Variants in VTA1 observed in about 807,000 individuals in gnomAD.
VTA1 encodes the protein vesicle trafficking 1.
In VTA1, 24 loss-of-function variants were observed where a neutral mutation model predicts 36.9. That is an observed-to-expected ratio of 0.65 (90% CI 0.47 to 0.91). VTA1 has a LOEUF of 0.91. Ranked by LOEUF, VTA1 falls within the 40% of genes least tolerant of loss-of-function variation. The pLI is 0.00. For missense variants in VTA1, 393 were observed against 377.2 expected, an observed-to-expected ratio of 1.04 and a Z score of -0.35; for synonymous variants, 142 against 130.2, an observed-to-expected ratio of 1.09 and a Z score of -0.62.
chr6:142,163,666 C>T (rs552139233), intron 1 of VTA1, among the ~76,000 whole-genome samples: 14 of 151,848 alleles, frequency 9.2e-5, no homozygotes, highest in Non-Finnish European at 1.8e-4. Context: ...GCAGTGGTTC[C>T]ACGAGATTTT....
chr6:142,154,027 G>A (rs1261806027), intron 1 of VTA1, among the ~76,000 whole-genome samples: 1 of 152,064 alleles, frequency 6.6e-6, no homozygotes, highest in African/African-American at 2.4e-5. Context: ...GTATTTGTGT[G>A]TGTGTGTGTA....
intron 1 of VTA1, among the ~76,000 whole-genome samples, chr6:142,149,695 A>C (rs1202136907): frequency 6.6e-6 from 1 of 152,186 alleles, no homozygotes; most frequent in Non-Finnish European, 1.5e-5. Flanking sequence ...AGAAGTTCTT[A>C]ATTTAAAAAT....
intron 7 of VTA1, among the ~76,000 whole-genome samples, chr6:142,216,973 T>C (rs970685420): frequency 1.3e-5 from 2 of 152,174 alleles, no homozygotes; most frequent in African/African-American, 2.4e-5. Context: ...GCGTATGTAG[T>C]GTAAATATAT....
intron 4 of VTA1, among the ~76,000 whole-genome samples, chr6:142,183,604 TG>T (rs887534708): frequency 3.3e-5 from 5 of 152,332 alleles, no homozygotes; most frequent in African/African-American, 1.2e-4. Context: ...AAGTTCTTTT[TG>T]CAGTTCCTGT....
chr6:142,184,146 A>G (rs1392867579), intron 4 of VTA1, among the ~76,000 whole-genome samples: 1 of 152,216 alleles, frequency 6.6e-6, no homozygotes, highest in Non-Finnish European at 1.5e-5. Flanking sequence ...CGTAACTACC[A>G]AAAGGTACAT....
At chr6:142,208,085 C>CAA (rs567010868) in intron 7 of VTA1, among the ~76,000 whole-genome samples, 235 of 99,440 alleles carry the variant, frequency 2.4e-3, no homozygotes, top group African/African-American at 6.8e-3. Context: ...AGACTTCCAT[C>CAA]AAAAAAAAAA....
chr6:142,198,141 G>A (rs1469572370), intron 5 of VTA1, among the ~76,000 whole-genome samples: 1 of 149,130 alleles, frequency 6.7e-6, no homozygotes, highest in Non-Finnish European at 1.5e-5. Flanking sequence ...GTGTGTGTGT[G>A]TGTGTGTGTG....
At chr6:142,171,159 G>A (rs1049092468) in intron 4 of VTA1, among the ~76,000 whole-genome samples, 5 of 151,928 alleles carry the variant, frequency 3.3e-5, no homozygotes, top group African/African-American at 1.2e-4. Flanking sequence ...CAATGGCACA[G>A]TCTTGGTTCA....
chr6:142,152,836 T>A lies in VTA1; in HGVS notation c.112+5437T>A, dbSNP rs189331476. Among the ~76,000 whole-genome samples, 180 of 152,230 alleles carry A rather than the reference T, an allele frequency of 1.2e-3. 1 individual carries two copies. The highest frequency in any genetic ancestry group is 0.01 in the Middle Eastern group (3 of 294). ...AATTCCTAGAGCAGGGAAACTTTTTTTTGTGAGAAAAAAATTCAAGAGTAT... is the reference window on the plus strand; with the variant it reads ...AATTCCTAGAGCAGGGAAACTTTTTATTGTGAGAAAAAAATTCAAGAGTAT... On this transcript the variant is annotated intron_variant, in intron 1 of 7. Transcript: ENST00000367630.
intron 4 of VTA1, among the ~76,000 whole-genome samples, chr6:142,172,924 T>A (rs1469107351): frequency 1.3e-5 from 2 of 150,698 alleles, no homozygotes; most frequent in African/African-American, 4.9e-5. Flanking sequence ...AATAGGAGCC[T>A]GTACAATGAA....
intron 4 of VTA1, among the ~76,000 whole-genome samples, chr6:142,181,465 A>ATG (rs1002840013): frequency 1.3e-4 from 19 of 147,904 alleles, no homozygotes; most frequent in African/African-American, 4.4e-4. Context: ...TTATATATAT[A>ATG]TATATATATG....
Position 142,167,392 on chromosome 6 carries a change from C to T in VTA1, c.207+1070C>T, listed in dbSNP as rs556922014. The stretch of plus-strand genomic sequence containing the variant: ...CCTCCAAGACTGTTACATTAATAGT[C>T]GTGACTTACTTTTTATTTGCTTATT... On this transcript the variant is annotated intron_variant, in intron 2 of 7. Transcript: ENST00000367630. 1.2e-4 allele frequency among the ~76,000 whole-genome samples: 19 copies of T among 152,274 alleles called. No individual in the cohort carries two copies. In the East Asian group the frequency reaches 2.3e-3, roughly 19 times the overall value.
chr6:142,220,709 G>A lies in VTA1; in HGVS notation c.*2066G>A, dbSNP rs1231272387. The A allele has an allele frequency of 1.3e-5, 2 of 151,986 alleles. No individual in the cohort carries two copies. Among genetic ancestry groups the A allele is most frequent in the Admixed American group, 1.3e-4 (2 of 15,246 alleles). 9.4% of individuals were successfully genotyped at this position (151,986 alleles called of 1,614,324 possible). ...GAGGGGATTGAACTATACAATGTTT[G>A]TTAACTTTGTATTTGTATTTTTTCC... On this transcript the variant is annotated 3_prime_UTR_variant, in exon 8 of 8. Transcript: ENST00000367630.
intron 7 of VTA1, among the ~76,000 whole-genome samples, chr6:142,214,669 A>G (rs1009135004): frequency 3.3e-5 from 5 of 152,146 alleles, no homozygotes; most frequent in Non-Finnish European, 7.4e-5. Flanking sequence ...TCAAGAGTAA[A>G]CCCTAACATA....
At chr6:142,173,975 C>G (rs1775072206) in intron 4 of VTA1, among the ~76,000 whole-genome samples, 1 of 152,142 alleles carries the variant, frequency 6.6e-6, no homozygotes, top group Admixed American at 6.5e-5. Context: ...CCCTAAGCCC[C>G]TTTGCCTTGC....
At chr6:142,178,426 T>C (rs1232803833) in intron 4 of VTA1, among the ~76,000 whole-genome samples, 1 of 152,024 alleles carries the variant, frequency 6.6e-6, no homozygotes, top group Non-Finnish European at 1.5e-5. Flanking sequence ...TGCTAGCAGG[T>C]CTGCACTAAA....
Position 142,203,992 on chromosome 6 carries a change from A to C in VTA1, c.705A>C (p.Ala235=). 6.2e-7 allele frequency: 1 copy of C among 1,613,296 alleles called. No homozygotes were observed. The highest frequency in any genetic ancestry group is 1.1e-5 in the South Asian group (1 of 91,066). Residue 235 remains alanine, a synonymous_variant, in exon 7 of 8, where the codon GCA becomes GCC. Transcript: ENST00000367630. Reference sequence around the variant, plus strand: ...TGCTTTTCTGATTTGCAGGTGTAGCAAGTAATACTATCCAACCTACTCCAC... The same window carrying C: ...TGCTTTTCTGATTTGCAGGTGTAGCCAGTAATACTATCCAACCTACTCCAC... The part of the protein sequence containing the change: ...PAEVPHSTGV[A]SNTIQPTPQT...
chr6:142,212,433 A>C (rs1775921763), intron 7 of VTA1, among the ~76,000 whole-genome samples: 1 of 152,214 alleles, frequency 6.6e-6, no homozygotes, highest in African/African-American at 2.4e-5. Context: ...TATATACTGT[A>C]TAATTCCAAG....
At chr6:142,196,683 T>C (rs773823735) in intron 5 of VTA1, among the ~76,000 whole-genome samples, 5 of 152,164 alleles carry the variant, frequency 3.3e-5, no homozygotes, top group Non-Finnish European at 7.4e-5. Flanking sequence ...AAAGTGCTTT[T>C]TTGCTGATTT....
Sources: allele counts gnomAD v4.1 joint callset (sites outside exome capture counted in the v4.1 genomes callset), GRCh38; gene constraint gnomAD v4.1.1; transcripts MANE v1.5; gene names NCBI Gene and HGNC (gene_info 2026-07-23, HGNC 2026-07-21).